Variants in IMPG2 observed in about 807,000 individuals in gnomAD.
IMPG2 encodes IPM 200.
Under a neutral mutation model 129.2 loss-of-function variants are expected in IMPG2, and 91 were observed. The observed-to-expected ratio is 0.70, with a 90% CI of 0.59 to 0.84. The LOEUF (loss-of-function observed/expected upper bound fraction) is 0.84, where lower values mean the gene tolerates loss of function less well. Among genes scored for constraint, IMPG2 ranks in the 40% least tolerant of loss-of-function variants. The pLI is 0.00. For missense variants in IMPG2, 1,430 were observed against 1,461.7 expected, an observed-to-expected ratio of 0.98 and a Z score of 0.35; for synonymous variants, 510 against 517.7, an observed-to-expected ratio of 0.99 and a Z score of 0.20.
At chr3:101,257,312 A>G (rs770229439) in intron 10 of IMPG2, among the ~76,000 whole-genome samples, 2 of 151,974 alleles carry the variant, frequency 1.3e-5, no homozygotes, top group African/African-American at 2.4e-5. Flanking sequence ...GCCACTTTCC[A>G]CACTCTGTGG....
At chr3:101,282,816 G>A (rs1046864687) in intron 4 of IMPG2, among the ~76,000 whole-genome samples, 15 of 152,076 alleles carry the variant, frequency 9.9e-5, no homozygotes, top group African/African-American at 2.9e-4. Flanking sequence ...ACCTACCCTC[G>A]TATAGTGTTA....
At chr3:101,234,761 A>G (rs577983123) in intron 14 of IMPG2, among the ~76,000 whole-genome samples, 1 of 152,164 alleles carries the variant, frequency 6.6e-6, no homozygotes, top group Non-Finnish European at 1.5e-5. Context: ...CTCCTTTGTT[A>G]ATGGAAGTTC....
chr3:101,299,032 C>A (rs1332094666), intron 3 of IMPG2, among the ~76,000 whole-genome samples: 1 of 152,178 alleles, frequency 6.6e-6, no homozygotes, highest in Admixed American at 6.5e-5. Flanking sequence ...TTTTCAGGTA[C>A]TCCACTCATC....
At position 101,226,225 on chromosome 3, in the gene IMPG2, TTATATATATATATATATATATATA is replaced by T. The variant is rs66908707; in HGVS notation, c.*720_*743del. ...TAGATTAATGGGAATCTTCTAAACT[TTATATATATATATATATATATATA>T]TATATATATATATATATATATATAT... is the stretch of plus-strand genomic sequence containing the variant. On this transcript the variant is annotated 3_prime_UTR_variant, in exon 19 of 19. Transcript: ENST00000193391. 1.2e-3 allele frequency: 120 copies of T among 102,902 alleles called. 1 individual carries two copies. Among genetic ancestry groups the T allele is most frequent in the South Asian group, 5.4e-3 (15 of 2,766 alleles). The allele number at this position is 102,902 out of a possible 1,614,324, so 6.4% of individuals were successfully genotyped here. A position where few individuals can be genotyped will look rare whatever the true frequency, so the allele number is the denominator to read the frequency against.
At chr3:101,255,576 T>A (rs535723862) in intron 10 of IMPG2, among the ~76,000 whole-genome samples, 1 of 152,226 alleles carries the variant, frequency 6.6e-6, no homozygotes, top group African/African-American at 2.4e-5. Context: ...CAATGTAGGT[T>A]CTTAACTCCC....
At chr3:101,302,520 A>G (rs1188291151) in intron 3 of IMPG2, among the ~76,000 whole-genome samples, 5 of 152,224 alleles carry the variant, frequency 3.3e-5, no homozygotes, top group Admixed American at 3.3e-4. Flanking sequence ...ATTTTGGAAA[A>G]GAGAACTGGG....
intron 16 of IMPG2, among the ~76,000 whole-genome samples, chr3:101,229,862 G>A (rs1706267681): frequency 6.6e-6 from 1 of 152,162 alleles, no homozygotes; most frequent in African/African-American, 2.4e-5. Flanking sequence ...CATAAATGTT[G>A]GAAACTATGT....
chr3:101,231,071 C>T lies in IMPG2; in HGVS notation c.3308G>A (p.Gly1103Asp). 1 of 1,614,078 alleles carries T rather than the reference C, an allele frequency of 6.2e-7. No individual in the cohort carries two copies. Among genetic ancestry groups the T allele is most frequent in the Non-Finnish European group, 8.5e-7 (1 of 1,180,000 alleles). Reference sequence around the variant, plus strand: ...TCCAACCACGGAGGCAATAGTGATGCCTATGATCACGGGCTCAGACACAAA... The same window carrying T: ...TCCAACCACGGAGGCAATAGTGATGTCTATGATCACGGGCTCAGACACAAA... ...EEFVSEPVIIGITIASVVGLL... is the reference protein window; with the variant it reads ...EEFVSEPVIIDITIASVVGLL... The change falls in exon 16 of 19, where the codon GGC (glycine) becomes GAC (aspartate). Residue 1103 changes from glycine (G) to aspartate (D), a missense_variant. Transcript: ENST00000193391.
chr3:101,231,174 T>C, intron 15 of IMPG2, 29 bp from the exon 16 acceptor site: 3 of 1,603,956 alleles, frequency 1.9e-6, no homozygotes, highest in Non-Finnish European at 2.6e-6. Flanking sequence ...AAGTCCGATA[T>C]CTGAATCACT....
At chr3:101,289,863 G>T (rs1424931765) in intron 4 of IMPG2, among the ~76,000 whole-genome samples, 1 of 151,104 alleles carries the variant, frequency 6.6e-6, no homozygotes, top group Non-Finnish European at 1.5e-5. Flanking sequence ...GGGTCAGAGA[G>T]AAATGGATGG....
chr3:101,243,937 C>T lies in IMPG2; in HGVS notation c.2394G>A (p.Leu798=), dbSNP rs768158584. Residue 798 remains leucine (L), a synonymous_variant, in exon 13 of 19, where the codon TTG becomes TTA. Transcript: ENST00000193391. The part of the protein sequence containing the change: ...SSLEKLSRDI[L]ASTPQSADRL... ...TGTCAGCACTCTGTGGTGTACTTGC[C>T]AATATGTCTCTGGACAATTTCTCTA... 2.5e-6 allele frequency: 4 copies of T among 1,614,030 alleles called. No individual in the cohort carries two copies. The highest frequency in any genetic ancestry group is 1.6e-4 in the Middle Eastern group (1 of 6,084).
At chr3:101,258,295 G>A (rs921112782) in intron 9 of IMPG2, among the ~76,000 whole-genome samples, 1 of 152,064 alleles carries the variant, frequency 6.6e-6, no homozygotes, top group Non-Finnish European at 1.5e-5. Flanking sequence ...CCTTTAAAAT[G>A]TTGTGCTGGA....
In IMPG2 at chr3:101,312,558, T is replaced by C. The variant is rs944899135; in HGVS notation, c.334+7026A>G. 3.9e-5 allele frequency among the ~76,000 whole-genome samples: 6 copies of C among 152,068 alleles called. No homozygotes were observed. In the East Asian group the frequency reaches 7.7e-4, roughly 20 times the overall value. ...AGATATGACTAAATCAGAACCCCCA[T>C]ACACTGCTGGTGGGATATAACACAG... On this transcript the variant is annotated intron_variant, in intron 2 of 18. Transcript: ENST00000193391.
At chr3:101,231,349 A>G (rs1706284671) in intron 15 of IMPG2, among the ~76,000 whole-genome samples, 1 of 152,248 alleles carries the variant, frequency 6.6e-6, no homozygotes, top group African/African-American at 2.4e-5. Flanking sequence ...GTAGGTCCTC[A>G]ATGACTGTTT....
chr3:101,256,217 G>GAAAGAAAAAGAACGAACA (rs1553682324), intron 10 of IMPG2, among the ~76,000 whole-genome samples: 1 of 138,166 alleles, frequency 7.2e-6, no homozygotes, highest in African/African-American at 2.7e-5. Flanking sequence ...AAGAAAGAAA[G>GAAAGAAAAAGAACGAACA]AAAAAAATAT....
chr3:101,287,716 C>A (rs1033487409), intron 4 of IMPG2, among the ~76,000 whole-genome samples: 1 of 152,092 alleles, frequency 6.6e-6, no homozygotes, highest in Non-Finnish European at 1.5e-5. Context: ...GGAACCCTAC[C>A]TTTTATCATA....
chr3:101,253,307 C>T (rs920322252), intron 11 of IMPG2, among the ~76,000 whole-genome samples: 1 of 152,066 alleles, frequency 6.6e-6, no homozygotes, highest in Non-Finnish European at 1.5e-5. Context: ...TCACTATAAT[C>T]CTTGAAACAA....
At chr3:101,317,938 G>A (rs1279630820) in intron 2 of IMPG2, among the ~76,000 whole-genome samples, 2 of 151,452 alleles carry the variant, frequency 1.3e-5, no homozygotes, top group South Asian at 2.1e-4. Context: ...TATAAAGTAC[G>A]GTGAGACCCC....
In IMPG2 at chr3:101,242,747, G is replaced by A. The variant is rs768676452; in HGVS notation, c.2963C>T (p.Thr988Ile). The A allele has an allele frequency of 5.6e-6, 9 of 1,613,980 alleles. No individual in the cohort carries two copies. The highest frequency in any genetic ancestry group is 7.6e-6 in the Non-Finnish European group (9 of 1,179,902). ...AVYMILEDFCTTAYNTMNLAI... is the reference protein window; with the variant it reads ...AVYMILEDFCITAYNTMNLAI... ...CAAGTTCATGGTATTGTAGGCAGTG[G>A]TACAAAAGTCTTCCAGAATCATGTA... The change falls in exon 14 of 19, where the codon ACC (threonine) becomes ATC (isoleucine). Residue 988 changes from threonine (T) to isoleucine (I), a missense_variant. Coordinates refer to ENST00000193391, the MANE Select transcript of IMPG2 (RefSeq NM_016247.4).
Sources: allele counts gnomAD v4.1 joint callset (sites outside exome capture counted in the v4.1 genomes callset), GRCh38; gene constraint gnomAD v4.1.1; transcripts MANE v1.5; gene names NCBI Gene and HGNC (gene_info 2026-07-23, HGNC 2026-07-21).